The following MYCBP2 variants were observed in gnomAD, a reference collection of about 807,000 sequenced individuals.
The protein encoded by MYCBP2 is E3 ubiquitin-protein ligase MYCBP2.
Under a neutral mutation model 525.3 loss-of-function variants are expected in MYCBP2, and 120 were observed. That is an observed-to-expected ratio of 0.23 (90% CI 0.20 to 0.27). MYCBP2 has a LOEUF of 0.27. MYCBP2 is among the 10% of genes least tolerant of loss of function. MYCBP2 has a pLI of 1.00. For synonymous variants in MYCBP2, 1,894 were observed against 1,955.8 expected, an observed-to-expected ratio of 0.97 and a Z score of 0.83; for missense variants, 4,149 against 5,657.1, an observed-to-expected ratio of 0.73 and a Z score of 8.55.
intron 32 of MYCBP2, among the ~76,000 whole-genome samples, chr13:77,182,133 T>G (rs2060270929): frequency 1.3e-5 from 2 of 152,188 alleles, no homozygotes; most frequent in Non-Finnish European, 2.9e-5. Flanking sequence ...AAAAATTAAG[T>G]CTGGTCAAGA....
rs1206507804 is a variant in MYCBP2, at chr13:77,139,574, C to T, written c.7519-238G>A. ...AAACAATTTCACTTAGGAATAAAAACACAAGGAAACCACACTTTAAGATAC... is the reference window on the plus strand; with the variant it reads ...AAACAATTTCACTTAGGAATAAAAATACAAGGAAACCACACTTTAAGATAC... On this transcript the variant is annotated intron_variant, in intron 51 of 82. Coordinates refer to ENST00000544440, the MANE Select transcript of MYCBP2 (RefSeq NM_015057.5). Among the ~76,000 whole-genome samples the T allele has an allele frequency of 4.6e-5, 7 of 152,068 alleles. No homozygotes were observed. In the East Asian group the frequency reaches 1.3e-3, roughly 29 times the overall value.
chr13:77,259,275 A>AG (rs1380557324), intron 13 of MYCBP2, among the ~76,000 whole-genome samples: 2 of 151,980 alleles, frequency 1.3e-5, no homozygotes, highest in Non-Finnish European at 2.9e-5. Flanking sequence ...AAAAAAAAAA[A>AG]GTGTTGGTGC....
chr13:77,073,778 C>T (rs1036774587), intron 68 of MYCBP2, among the ~76,000 whole-genome samples: 4 of 151,976 alleles, frequency 2.6e-5, no homozygotes, highest in Non-Finnish European at 5.9e-5. Flanking sequence ...ATACCATTTA[C>T]AATAGCTTTA....
intron 55 of MYCBP2, among the ~76,000 whole-genome samples, chr13:77,117,114 T>A (rs974340629): frequency 1.3e-5 from 2 of 152,038 alleles, no homozygotes; most frequent in African/African-American, 4.8e-5. Context: ...ATGTAAAAAG[T>A]CTGATGCAAC....
At chr13:77,325,860 T>A (rs2082226421) in intron 1 of MYCBP2, among the ~76,000 whole-genome samples, 1 of 152,010 alleles carries the variant, frequency 6.6e-6, no homozygotes, top group Non-Finnish European at 1.5e-5. Context: ...TCCACACAGA[T>A]CTCCATCTGC....
chr13:77,324,678 C>A (rs1934552715), intron 1 of MYCBP2, among the ~76,000 whole-genome samples: 1 of 151,902 alleles, frequency 6.6e-6, no homozygotes, highest in Admixed American at 6.6e-5. Flanking sequence ...CAAAAATGGA[C>A]CAAGGGCTAA....
intron 14 of MYCBP2, among the ~76,000 whole-genome samples, chr13:77,255,534 CATATT>C (rs751837297): frequency 2.6e-5 from 4 of 151,706 alleles, no homozygotes; most frequent in Non-Finnish European, 4.4e-5. Flanking sequence ...AATATATATT[CATATT>C]ATATATTAAA....
intron 1 of MYCBP2, among the ~76,000 whole-genome samples, chr13:77,325,869 G>A (rs1380188040): frequency 2.0e-5 from 3 of 152,098 alleles, no homozygotes; most frequent in African/African-American, 7.2e-5. Flanking sequence ...ATCTCCATCT[G>A]CGTCCCTTAT....
intron 38 of MYCBP2, among the ~76,000 whole-genome samples, chr13:77,171,034 GAGA>G (rs1287533094): frequency 6.6e-6 from 1 of 152,184 alleles, no homozygotes; most frequent in African/African-American, 2.4e-5. Context: ...ATGACAGCAG[GAGA>G]AGAAGTGAAA....
In MYCBP2 at chr13:77,077,678, G is replaced by A. The variant is rs9573993; in HGVS notation, c.11485-291C>T. Reference sequence around the variant, plus strand: ...GGCCTGACTACGATATGGCTTCCGAGCAAAATTATATGAGTGAAATAATTA... The same window carrying A: ...GGCCTGACTACGATATGGCTTCCGAACAAAATTATATGAGTGAAATAATTA... On this transcript the variant is annotated intron_variant, in intron 66 of 82. Coordinates refer to ENST00000544440, the MANE Select transcript of MYCBP2 (RefSeq NM_015057.5). 6 of 272,844 alleles carry A rather than the reference G, an allele frequency of 2.2e-5. No individual in the cohort carries two copies. In the East Asian group the frequency reaches 4.4e-4, roughly 20 times the overall value. The allele number at this position is 272,844 out of a possible 1,614,324, so 16.9% of individuals were successfully genotyped here.
At position 77,098,528 on chromosome 13, in the gene MYCBP2, G is replaced by A; in HGVS notation, c.8626C>T (p.Leu2876Phe). The part of the protein sequence containing the change: ...RERSKSDSYT[L>F]DPDTLRKKKM... The stretch of plus-strand genomic sequence containing the variant: ...TTCTTGCGGAGGGTATCTGGATCAA[G>A]TGTGTAAGAGTCTGATTTAGAACGT... Residue 2876 changes from leucine (L) to phenylalanine (F), a missense_variant, in exon 56 of 83, where the codon CTT (leucine) becomes TTT (phenylalanine). Coordinates refer to ENST00000544440, the MANE Select transcript of MYCBP2 (RefSeq NM_015057.5). The A allele has an allele frequency of 1.2e-6, 2 of 1,613,778 alleles. No individual in the cohort carries two copies. Among genetic ancestry groups the A allele is most frequent in the East Asian group, 2.2e-5 (1 of 44,862 alleles).
At chr13:77,320,972 G>A (rs1484002493) in intron 1 of MYCBP2, among the ~76,000 whole-genome samples, 3 of 152,286 alleles carry the variant, frequency 2.0e-5, no homozygotes, top group Middle Eastern at 3.4e-3. Context: ...CCAGGGGTAG[G>A]AGGGCCTGAC....
intron 30 of MYCBP2, among the ~76,000 whole-genome samples, chr13:77,186,339 T>C (rs2154252869): frequency 6.6e-6 from 1 of 152,264 alleles, no homozygotes; most frequent in Non-Finnish European, 1.5e-5. Flanking sequence ...TAAAAATAAA[T>C]TTTTCAGTGT....
Position 77,126,327 on chromosome 13 carries a change from T to A in MYCBP2, c.7875A>T (p.Ala2625=), listed in dbSNP as rs948852150. 2 of 1,613,474 alleles carry A rather than the reference T, an allele frequency of 1.2e-6. No individual in the cohort carries two copies. The highest frequency in any genetic ancestry group is 3.3e-5 in the Admixed American group (2 of 59,970). ...CTACAAGAATCCATACCTCTCCCAC[T>A]GCTTTGACTTTGTTTCCCAGAACTA... ...GMLVLGNKVK[A]VGEVTNSEGT... is the part of the protein sequence containing the mutation. Residue 2625 remains alanine, a synonymous_variant, in exon 53 of 83, where the codon GCA becomes GCT. Coordinates refer to ENST00000544440, the MANE Select transcript of MYCBP2 (RefSeq NM_015057.5).
At chr13:77,072,635 T>G (rs180715196) in intron 68 of MYCBP2, among the ~76,000 whole-genome samples, 1 of 152,154 alleles carries the variant, frequency 6.6e-6, no homozygotes, top group Non-Finnish European at 1.5e-5. Flanking sequence ...CTGATGAATC[T>G]TTAGAGAAAC....
intron 52 of MYCBP2, among the ~76,000 whole-genome samples, chr13:77,130,998 T>G (rs117562874): frequency 6.6e-6 from 1 of 152,208 alleles, no homozygotes; most frequent in Non-Finnish European, 1.5e-5. Flanking sequence ...TTTAAAATGA[T>G]GTTAACTGCT....
At chr13:77,301,937 T>G (rs1244892516) in intron 1 of MYCBP2, among the ~76,000 whole-genome samples, 1 of 151,898 alleles carries the variant, frequency 6.6e-6, no homozygotes, top group Non-Finnish European at 1.5e-5. Flanking sequence ...AAAAGCAGAG[T>G]AAGTTACAGA....
In MYCBP2 at chr13:77,081,881, T is replaced by C. The variant is rs1329672255; in HGVS notation, c.11149A>G (p.Ser3717Gly). 1.9e-6 allele frequency: 3 copies of C among 1,613,658 alleles called. No individual in the cohort carries two copies. ...CCAGACTGTATACTGATGCTAAAAC[T>C]CTCTTCACTATCGCCATCATCTGAC... is the stretch of plus-strand genomic sequence containing the variant. ...SKSDDGDSEESFSISIQSGFE... is the reference protein window; with the variant it reads ...SKSDDGDSEEGFSISIQSGFE... The change falls in exon 64 of 83, where the codon AGT (serine) becomes GGT (glycine). Residue 3717 changes from serine to glycine, a missense_variant. Physicochemically the swap from Ser to Gly is moderately conservative, Grantham distance 56. Transcript: ENST00000544440. This position sits in a 1 kb window ranked among gnomAD's most constrained non-coding sequence, Gnocchi z 4.6.
chr13:77,301,068 C>A (rs2078736033), intron 1 of MYCBP2, among the ~76,000 whole-genome samples: 1 of 152,120 alleles, frequency 6.6e-6, no homozygotes, highest in Admixed American at 6.5e-5. Context: ...AGACAGCTTT[C>A]CCAGTGGTAT....
Sources: allele counts gnomAD v4.1 joint callset (sites outside exome capture counted in the v4.1 genomes callset), GRCh38; gene constraint gnomAD v4.1.1; non-coding constraint Gnocchi (gnomAD v3.1); transcripts MANE v1.5; gene names NCBI Gene and HGNC (gene_info 2026-07-23, HGNC 2026-07-21).